Variants in LIMCH1 observed in about 807,000 individuals in gnomAD.
The protein encoded by LIMCH1 is LIM and calponin homology domains-containing protein 1.
A neutral mutation model predicts 176.5 loss-of-function variants in LIMCH1; 113 were observed. The ratio of observed to expected loss-of-function variants is 0.64; its 90% CI spans 0.55 to 0.75. The LOEUF is 0.75. LIMCH1 is among the 30% of genes least tolerant of loss of function. The probability of loss-of-function intolerance (pLI) is 0.00; values close to 1 mark genes in which losing one functional copy is unlikely to be tolerated. For synonymous variants in LIMCH1, 619 were observed against 645.9 expected (o/e 0.96, Z 0.63); for missense variants, 1,674 against 1,814.9 (o/e 0.92, Z 1.41).
chr4:41,457,769 T>C (rs569664236), intron 1 of LIMCH1, among the ~76,000 whole-genome samples: 1 of 152,276 alleles, frequency 6.6e-6, no homozygotes, highest in African/African-American at 2.4e-5. Context: ...TGAACAGTTA[T>C]GCAAATCCAT....
At chr4:41,652,286 C>T (rs546110410) in intron 18 of LIMCH1, among the ~76,000 whole-genome samples, 1 of 152,038 alleles carries the variant, frequency 6.6e-6, no homozygotes, top group East Asian at 1.9e-4. Context: ...TATAATTCTT[C>T]CACGCAGTAC....
At chr4:41,505,708 C>G (rs1033225015) in intron 2 of LIMCH1, among the ~76,000 whole-genome samples, 1 of 152,100 alleles carries the variant, frequency 6.6e-6, no homozygotes, top group Admixed American at 6.5e-5. Context: ...ACCTCTTTGT[C>G]CCATCTTTGT....
At chr4:41,552,449 C>G (rs1000024) in intron 1 of LIMCH1, among the ~76,000 whole-genome samples, 14,430 of 152,154 alleles carry the variant, frequency 0.095, 736 homozygotes, top group South Asian at 0.18. Flanking sequence ...CCAGAAGGCT[C>G]GAATCATGAG....
chr4:41,518,697 A>G (rs1046352297), intron 2 of LIMCH1, among the ~76,000 whole-genome samples: 5 of 152,128 alleles, frequency 3.3e-5, no homozygotes, highest in African/African-American at 9.7e-5. Context: ...TAAGCCCCAC[A>G]TGCATTAGGT....
chr4:41,494,728 A>G, intron 2 of LIMCH1: 10 of 661,048 alleles, frequency 1.5e-5, no homozygotes, highest in Non-Finnish European at 2.3e-5. Flanking sequence ...TGAAACTCAA[A>G]AAATCCCTGG....
intron 1 of LIMCH1, among the ~76,000 whole-genome samples, chr4:41,371,055 A>G (rs2053883598): frequency 1.3e-5 from 2 of 152,178 alleles, no homozygotes; most frequent in Admixed American, 1.3e-4. Flanking sequence ...TGCTCCGTAT[A>G]TATTTACTTA....
chr4:41,460,476 A>ATATATATATATATCTATCTATCTATC (rs965621988), intron 1 of LIMCH1, among the ~76,000 whole-genome samples: 2 of 142,664 alleles, frequency 1.4e-5, no homozygotes, highest in African/African-American at 5.4e-5. Context: ...ATATATATAT[A>ATATATATATATATCTATCTATCTATC]TATCTTATAA....
At chr4:41,408,168 G>T (rs146996928) in intron 1 of LIMCH1, among the ~76,000 whole-genome samples, 11 of 152,246 alleles carry the variant, frequency 7.2e-5, no homozygotes, top group African/African-American at 2.2e-4. Context: ...AAAGGCATGG[G>T]TAGGGAGACA....
intron 2 of LIMCH1, among the ~76,000 whole-genome samples, chr4:41,520,148 A>C (rs2075976997): frequency 1.3e-5 from 2 of 152,192 alleles, no homozygotes; most frequent in Admixed American, 6.5e-5. Flanking sequence ...GAATCTTCTT[A>C]TGCTTCACAT....
At chr4:41,597,615 A>G (rs1278918871) in intron 1 of LIMCH1, among the ~76,000 whole-genome samples, 2 of 152,152 alleles carry the variant, frequency 1.3e-5, no homozygotes, top group Non-Finnish European at 1.5e-5. Flanking sequence ...ACATCTTCCA[A>G]GCTCCTTCCA....
intron 30 of LIMCH1, among the ~76,000 whole-genome samples, chr4:41,691,869 AT>A (rs1726216207): frequency 6.6e-6 from 1 of 152,228 alleles, no homozygotes; most frequent in African/African-American, 2.4e-5. Flanking sequence ...TGATGGACAC[AT>A]TTCAATTGAT....
At chr4:41,414,055 A>T (rs2059715092) in intron 1 of LIMCH1, among the ~76,000 whole-genome samples, 1 of 152,238 alleles carries the variant, frequency 6.6e-6, no homozygotes, top group Non-Finnish European at 1.5e-5. Context: ...TTACATGAGA[A>T]AAGATTAGAT....
intron 31 of LIMCH1, among the ~76,000 whole-genome samples, chr4:41,694,865 A>G (rs1258221826): frequency 1.3e-5 from 2 of 152,066 alleles, no homozygotes; most frequent in African/African-American, 2.4e-5. Context: ...AATGTATGAG[A>G]GACCCCCTTT....
At chr4:41,482,816 A>G (rs1327476684) in intron 1 of LIMCH1, among the ~76,000 whole-genome samples, 1 of 152,130 alleles carries the variant, frequency 6.6e-6, no homozygotes, top group Non-Finnish European at 1.5e-5. Flanking sequence ...AAACCTTTGG[A>G]GTAGGTTCCA....
chr4:41,600,877 C>T (rs950280783), intron 2 of LIMCH1, among the ~76,000 whole-genome samples: 2 of 152,174 alleles, frequency 1.3e-5, no homozygotes, highest in African/African-American at 2.4e-5. Flanking sequence ...CACGTGGATA[C>T]AGTCCCTTCT....
At chr4:41,639,328 G>T (rs142977952) in intron 14 of LIMCH1, among the ~76,000 whole-genome samples, 1 of 152,056 alleles carries the variant, frequency 6.6e-6, no homozygotes, top group African/African-American at 2.4e-5. Context: ...GATATGTTGG[G>T]GCTTAGAGTT....
chr4:41,513,057 T>A (rs933341454), intron 2 of LIMCH1, among the ~76,000 whole-genome samples: 18 of 152,350 alleles, frequency 1.2e-4, no homozygotes, highest in Admixed American at 3.9e-4. Flanking sequence ...GCTGCTCATA[T>A]TTTAGAACAT....
intron 4 of LIMCH1, among the ~76,000 whole-genome samples, chr4:41,607,540 T>C (rs2090887435): frequency 6.6e-6 from 1 of 152,260 alleles, no homozygotes. Flanking sequence ...TTATTGTTTT[T>C]ATATTAAATT....
At chr4:41,574,975 C>T (rs1325750813) in intron 1 of LIMCH1, among the ~76,000 whole-genome samples, 1 of 152,156 alleles carries the variant, frequency 6.6e-6, no homozygotes, top group Non-Finnish European at 1.5e-5. Context: ...GTGAAATACT[C>T]AGCACAATTT....
Sources: gnomAD v4.1 joint callset for allele counts (sites outside exome capture counted in the v4.1 genomes callset) on GRCh38, gnomAD v4.1.1 for gene constraint, MANE v1.5 for transcripts, NCBI Gene and HGNC (gene_info 2026-07-23, HGNC 2026-07-21) for gene names.